STAT4: variants seen among roughly 807,000 people sequenced by gnomAD.
STAT4 encodes the protein signal transducer and activator of transcription 4.
A neutral mutation model predicts 110.5 loss-of-function variants in STAT4; 42 were observed. The ratio of observed to expected loss-of-function variants is 0.38; its 90% CI spans 0.30 to 0.49. The LOEUF (loss-of-function observed/expected upper bound fraction) is 0.49. Among genes scored for constraint, STAT4 ranks in the 20% least tolerant of loss-of-function variants. STAT4 has a pLI of 0.95. For missense variants in STAT4, 632 were observed against 887.9 expected, an observed-to-expected ratio of 0.71 and a Z score of 3.66; for synonymous variants, 284 against 302.2, an observed-to-expected ratio of 0.94 and a Z score of 0.63.
At chr2:191,034,079 T>C in intron 18 of STAT4, 74 bp from the exon 19 acceptor site, 3 of 1,035,996 alleles carry the variant, frequency 2.9e-6, no homozygotes, top group Non-Finnish European at 1.4e-6. Flanking sequence ...TTAAGTTCAA[T>C]TTTTCACCAA....
At chr2:191,131,858 C>A in intron 3 of STAT4, 1 of 1,460,314 alleles carries the variant, frequency 6.8e-7, no homozygotes, top group South Asian at 1.4e-5. Context: ...CAGGTTTCTC[C>A]ATGTCGATCC....
At position 191,042,777 on chromosome 2, in the gene STAT4, C is replaced by CTTTTTTTTTTTTTTTTTTTTT. The variant is rs397740293; in HGVS notation, c.1252-1630_1252-1629insAAAAAAAAAAAAAAAAAAAAA. ...CTTAAATTCATTCATTGTATTCTCT[C>CTTTTTTTTTTTTTTTTTTTTT]TTTTTTTTTTTTCTTTTTTGAGATG... On this transcript the variant is annotated intron_variant, in intron 14 of 23. Coordinates refer to ENST00000392320, the MANE Select transcript of STAT4 (RefSeq NM_003151.4). This position sits in a 1 kb window ranked among gnomAD's most constrained non-coding sequence, Gnocchi z 4.2. Among the ~76,000 whole-genome samples the CTTTTTTTTTTTTTTTTTTTTT allele has an allele frequency of 6.8e-6, 1 of 147,632 alleles. No individual in the cohort carries two copies. The highest frequency in any genetic ancestry group is 2.5e-5 in the African/African-American group (1 of 40,172).
At chr2:191,072,782 A>G (rs1004867811) in intron 5 of STAT4, among the ~76,000 whole-genome samples, 3 of 152,208 alleles carry the variant, frequency 2.0e-5, no homozygotes, top group Admixed American at 2.0e-4. Flanking sequence ...GACAATAAAC[A>G]TTATGAACAA....
At chr2:191,111,863 G>GA (rs1227693303) in intron 3 of STAT4, among the ~76,000 whole-genome samples, 3 of 151,906 alleles carry the variant, frequency 2.0e-5, no homozygotes, top group Non-Finnish European at 4.4e-5. Context: ...CTATCTGTTA[G>GA]AAAAAAAGAA....
rs551368943 is a variant in STAT4 at position 191,140,375 on chromosome 2, C to A, written c.273+6238G>T. Among the ~76,000 whole-genome samples the A allele has an allele frequency of 6.6e-6, 1 of 152,238 alleles. No individual in the cohort carries two copies. Among genetic ancestry groups the A allele is most frequent in the African/African-American group, 2.4e-5 (1 of 41,556 alleles). On this transcript the variant is annotated intron_variant, in intron 3 of 23. Coordinates refer to ENST00000392320, the MANE Select transcript of STAT4 (RefSeq NM_003151.4). The surrounding 1 kb of genome is among the most constrained non-coding windows in gnomAD (Gnocchi z 4.4). ...ACAAAGGACTAATATCCATAATCTG[C>A]AAGGAACTCAAACAAATCAGCAAAA...
In STAT4 at chr2:191,135,899, G is replaced by T. The variant is rs1699165595; in HGVS notation, c.273+10714C>A. Among the ~76,000 whole-genome samples the T allele has an allele frequency of 6.7e-6, 1 of 149,742 alleles. No homozygotes were observed. The highest frequency in any genetic ancestry group is 6.7e-5 in the Admixed American group (1 of 14,818). ...CAGCACTACCCTGGTACCAAAACCA[G>T]ACAAGGACACAACACAAAGAGACAA... On this transcript the variant is annotated intron_variant, in intron 3 of 23. Coordinates refer to ENST00000392320, the MANE Select transcript of STAT4 (RefSeq NM_003151.4). This position sits in a 1 kb window ranked among gnomAD's most constrained non-coding sequence, Gnocchi z 4.8.
chr2:191,061,615 G>C lies in STAT4; in HGVS notation c.1034+114C>G. The C allele has an allele frequency of 7.2e-6, 7 of 973,398 alleles. No homozygotes were observed. The highest frequency in any genetic ancestry group is 1.2e-5 in the Non-Finnish European group (7 of 605,280). 60.3% of individuals were successfully genotyped at this position (973,398 alleles called of 1,614,324 possible). A position where few individuals can be genotyped will look rare whatever the true frequency, so the allele number is the denominator to read the frequency against. ...CAAGCTCAGAGCTGGGCACACAGCA[G>C]ATGGTTCAATAAAGAACAGCTGAAT... On this transcript the variant is annotated intron_variant, in intron 10 of 23. Transcript: ENST00000392320. This position sits in a 1 kb window ranked among gnomAD's most constrained non-coding sequence, Gnocchi z 6.2.
chr2:191,132,076 T>C (rs936576488), intron 3 of STAT4, among the ~76,000 whole-genome samples: 7 of 151,810 alleles, frequency 4.6e-5, no homozygotes, highest in Non-Finnish European at 8.8e-5. Context: ...ACTTTCATTC[T>C]TCACATTAAA....
Position 191,058,597 on chromosome 2 carries a change from A to T in STAT4, c.1094+113T>A. On this transcript the variant is annotated intron_variant, in intron 11 of 23. Transcript: ENST00000392320. This position sits in a 1 kb window ranked among gnomAD's most constrained non-coding sequence, Gnocchi z 4.3. The stretch of plus-strand genomic sequence containing the variant: ...AATATTTGAAGTACATTCATTATAT[A>T]ATGTTAGATAAGTAAATTTAAAAGT... 1 of 681,626 alleles carries T rather than the reference A, an allele frequency of 1.5e-6. No homozygotes were observed. The highest frequency in any genetic ancestry group is 2.5e-6 in the Non-Finnish European group (1 of 396,802). 42.2% of individuals were successfully genotyped at this position (681,626 alleles called of 1,614,324 possible). A position where few individuals can be genotyped will look rare whatever the true frequency, so the allele number is the denominator to read the frequency against.
chr2:191,076,729 T>C (rs892855904), intron 3 of STAT4, among the ~76,000 whole-genome samples: 3 of 149,486 alleles, frequency 2.0e-5, no homozygotes, highest in Non-Finnish European at 4.4e-5. Flanking sequence ...CACCACAACC[T>C]CCACCTCCCG....
In STAT4 at chr2:191,032,639, A is replaced by G. The variant is rs1011856646; in HGVS notation, c.2044+319T>C. Among the ~76,000 whole-genome samples the G allele has an allele frequency of 2.0e-5, 3 of 152,190 alleles. No homozygotes were observed. Among genetic ancestry groups the G allele is most frequent in the African/African-American group, 7.2e-5 (3 of 41,450 alleles). On this transcript the variant is annotated intron_variant, in intron 21 of 23. Coordinates refer to ENST00000392320, the MANE Select transcript of STAT4 (RefSeq NM_003151.4). The surrounding 1 kb of genome is among the most constrained non-coding windows in gnomAD (Gnocchi z 4.9). ...CTCTTTCTTTTCCTTTCCCTCAGTCATAGACATGAAGCCTGCACCACTTCT... is the reference window on the plus strand; with the variant it reads ...CTCTTTCTTTTCCTTTCCCTCAGTCGTAGACATGAAGCCTGCACCACTTCT...
chr2:191,045,138 A>T (rs7574608), intron 14 of STAT4, among the ~76,000 whole-genome samples: 9,527 of 152,280 alleles, frequency 0.063, 339 homozygotes, highest in Middle Eastern at 0.12. Context: ...TATAAAATTT[A>T]AAAAAATCAA....
At chr2:191,054,428 TA>T in intron 14 of STAT4, 61 bp downstream of exon 14, 1 of 1,386,836 alleles carries the variant, frequency 7.2e-7, no homozygotes. Flanking sequence ...AAAAGCTTTG[TA>T]AAAATAAGAT....
At chr2:191,095,606 T>A (rs199600028) in intron 3 of STAT4, among the ~76,000 whole-genome samples, 10 of 152,158 alleles carry the variant, frequency 6.6e-5, no homozygotes, top group Non-Finnish European at 1.3e-4. Flanking sequence ...TGGGACACAT[T>A]TAAAGCAGTG....
chr2:191,031,370 T>G lies in STAT4; in HGVS notation c.2111+80A>C. The G allele has an allele frequency of 7.2e-7, 1 of 1,382,658 alleles. No individual in the cohort carries two copies. The allele number at this position is 1,382,658 out of a possible 1,614,324, so 85.6% of individuals were successfully genotyped here. ...CATTACAATGCTTTGTTCTCAGTTA[T>G]GTGTACTCTGCTCTACCTTTAAATC... On this transcript the variant is annotated intron_variant, in intron 22 of 23. Coordinates refer to ENST00000392320, the MANE Select transcript of STAT4 (RefSeq NM_003151.4). The surrounding 1 kb of genome is among the most constrained non-coding windows in gnomAD (Gnocchi z 4.8).
chr2:191,067,695 G>A (rs1338251989), intron 6 of STAT4, among the ~76,000 whole-genome samples: 1 of 152,126 alleles, frequency 6.6e-6, no homozygotes, highest in African/African-American at 2.4e-5. Context: ...CCCATGCTGT[G>A]CATGTTAAAT....
At position 191,072,978 on chromosome 2, in the gene STAT4, C is replaced by T. The variant is rs1358170366; in HGVS notation, c.465+120G>A. 4.4e-6 allele frequency: 3 copies of T among 675,250 alleles called. No homozygotes were observed. The Admixed American group carries it at 7.8e-5, about 17-fold the overall frequency. The allele number at this position is 675,250 out of a possible 1,614,324, so 41.8% of individuals were successfully genotyped here. A position where few individuals can be genotyped will look rare whatever the true frequency, so the allele number is the denominator to read the frequency against. On this transcript the variant is annotated intron_variant, in intron 5 of 23. Transcript: ENST00000392320. ...AACATAGTATGTGAGAGATATTTAT[C>T]TTATTAACAAATTGCCCTATGATTT...
chr2:191,066,782 G>A lies in STAT4; in HGVS notation c.545-267C>T, dbSNP rs1210120469. Among the ~76,000 whole-genome samples the A allele has an allele frequency of 6.6e-6, 1 of 152,082 alleles. No homozygotes were observed. Among genetic ancestry groups the A allele is most frequent in the Non-Finnish European group, 1.5e-5 (1 of 68,012 alleles). On this transcript the variant is annotated intron_variant, in intron 6 of 23. Coordinates refer to ENST00000392320, the MANE Select transcript of STAT4 (RefSeq NM_003151.4). This position sits in a 1 kb window ranked among gnomAD's most constrained non-coding sequence, Gnocchi z 4.3. Reference sequence around the variant, plus strand: ...TTTTGTTTTGTTTTGTTTTGGTGGTGGTGGACAGAGGAGATAAAGTTGCTG... The same window carrying A: ...TTTTGTTTTGTTTTGTTTTGGTGGTAGTGGACAGAGGAGATAAAGTTGCTG...
chr2:191,093,374 T>TTGTTCTGCAATATTTGC (rs367560345), intron 3 of STAT4, among the ~76,000 whole-genome samples: 2 of 152,122 alleles, frequency 1.3e-5, no homozygotes, highest in African/African-American at 2.4e-5. Context: ...GCAATATTTG[T>TTGTTCTGCAATATTTGC]TGTTCTGCAA....
Sources: gnomAD v4.1 joint callset for allele counts (sites outside exome capture counted in the v4.1 genomes callset) on GRCh38, gnomAD v4.1.1 for gene constraint, Gnocchi (gnomAD v3.1) non-coding constraint, MANE v1.5 for transcripts, NCBI Gene and HGNC (gene_info 2026-07-23, HGNC 2026-07-21) for gene names.